KIAA1328: variants seen among roughly 807,000 people sequenced by gnomAD.
KIAA1328 encodes KIAA1328.
KIAA1328 carries 52 observed loss-of-function variants against 68.1 expected under a neutral mutation model. The observed-to-expected ratio is 0.76, with a 90% CI of 0.61 to 0.96. The LOEUF is 0.96. Among genes scored for constraint, KIAA1328 ranks in the 40% least tolerant of loss-of-function variants. The pLI is 0.00. For synonymous variants in KIAA1328, 232 were observed against 239.4 expected (o/e 0.97, Z 0.28); for missense variants, 641 against 677.6 (o/e 0.95, Z 0.60).
At chr18:37,084,378 T>C in intron 7 of KIAA1328, 1 of 387,490 alleles carries the variant, frequency 2.6e-6, no homozygotes, top group Non-Finnish European at 4.5e-6. Flanking sequence ...TTTTGAAAAA[T>C]ATAGAAAAAT....
intron 6 of KIAA1328, among the ~76,000 whole-genome samples, chr18:37,046,094 C>T (rs537161301): frequency 6.6e-6 from 1 of 152,256 alleles, no homozygotes; most frequent in East Asian, 1.9e-4. Flanking sequence ...TGACTGTATT[C>T]TAGATAATTT....
In KIAA1328 at chr18:37,222,185, G is replaced by C. The variant is rs980407440; in HGVS notation, c.1692G>C (p.Glu564Asp). Residue 564 changes from glutamate to aspartate, a missense_variant, in exon 10 of 10, where the codon GAG (glutamate) becomes GAC (aspartate). Coordinates refer to ENST00000280020, the MANE Select transcript of KIAA1328 (RefSeq NM_020776.3). ...KKMGMHRTPE[E>D]LEENQILEDI... ...TGGGGATGCACAGAACCCCTGAAGA[G>C]TTGGAGGAGAATCAGATTCTGGAAG... 6.3e-7 allele frequency: 1 copy of C among 1,596,878 alleles called. No individual in the cohort carries two copies. Among genetic ancestry groups the C allele is most frequent in the African/African-American group, 1.3e-5 (1 of 74,618 alleles).
At chr18:37,215,526 G>A (rs990942701) in intron 9 of KIAA1328, among the ~76,000 whole-genome samples, 1 of 152,188 alleles carries the variant, frequency 6.6e-6, no homozygotes, top group African/African-American at 2.4e-5. Context: ...TAAGCTTTTT[G>A]ATGCGCTGCT....
intron 7 of KIAA1328, among the ~76,000 whole-genome samples, chr18:37,071,781 C>T (rs1460453399): frequency 2.0e-5 from 3 of 152,142 alleles, no homozygotes; most frequent in Non-Finnish European, 4.4e-5. Flanking sequence ...GTTAAACACA[C>T]ATAACTTATC....
intron 6 of KIAA1328, among the ~76,000 whole-genome samples, chr18:37,052,286 C>G (rs1568340136): frequency 6.6e-6 from 1 of 152,050 alleles, no homozygotes; most frequent in Non-Finnish European, 1.5e-5. Context: ...TCAATAAAAT[C>G]CAACATCTCT....
intron 7 of KIAA1328, among the ~76,000 whole-genome samples, chr18:37,091,963 A>C (rs1477004561): frequency 6.6e-6 from 1 of 152,074 alleles, no homozygotes; most frequent in Non-Finnish European, 1.5e-5. Flanking sequence ...ACAGAACAGC[A>C]CATGCCTTCA....
intron 7 of KIAA1328, among the ~76,000 whole-genome samples, chr18:37,097,040 T>A (rs1324783412): frequency 6.6e-6 from 1 of 152,194 alleles, no homozygotes; most frequent in Admixed American, 6.5e-5. Context: ...TTCACTCTGA[T>A]GGTAGTTTCT....
At chr18:37,221,942 C>G in intron 9 of KIAA1328, 75 bp from the exon 10 acceptor site, 1 of 1,431,408 alleles carries the variant, frequency 7.0e-7, no homozygotes, top group Middle Eastern at 1.9e-4. Context: ...CTGGACAGCC[C>G]ATTTCTGCTG....
intron 7 of KIAA1328, among the ~76,000 whole-genome samples, chr18:37,072,381 T>C (rs1000680251): frequency 3.3e-5 from 5 of 151,742 alleles, no homozygotes; most frequent in African/African-American, 1.2e-4. Context: ...TGCACTATTT[T>C]TCTCTATACA....
At chr18:37,002,328 C>T (rs1161095651) in intron 6 of KIAA1328, among the ~76,000 whole-genome samples, 1 of 149,020 alleles carries the variant, frequency 6.7e-6, no homozygotes, top group East Asian at 2.0e-4. Flanking sequence ...CCCACCTCAG[C>T]CTCCTGAAGA....
chr18:37,227,095 C>T (rs894516009), downstream of KIAA1328, among the ~76,000 whole-genome samples: 3 of 152,138 alleles, frequency 2.0e-5, no homozygotes, highest in African/African-American at 7.2e-5. Flanking sequence ...ATGGACACTC[C>T]CTTAAACCAA....
At chr18:37,056,194 G>T (rs1015524346) in intron 6 of KIAA1328, among the ~76,000 whole-genome samples, 1 of 152,024 alleles carries the variant, frequency 6.6e-6, no homozygotes, top group African/African-American at 2.4e-5. Context: ...GTGATTTTTG[G>T]TATGTGTTCA....
intron 6 of KIAA1328, among the ~76,000 whole-genome samples, chr18:37,002,234 T>C (rs1334172934): frequency 8.3e-5 from 12 of 144,954 alleles, no homozygotes; most frequent in African/African-American, 1.3e-4. Context: ...TTTTCTTTTT[T>C]TTTTTTTTTT....
intron 4 of KIAA1328, among the ~76,000 whole-genome samples, chr18:36,855,289 C>G (rs2047346553): frequency 1.3e-5 from 2 of 152,268 alleles, no homozygotes; most frequent in South Asian, 4.1e-4. Context: ...TACAAGGATT[C>G]TGGTCTCTTC....
chr18:37,039,318 A>G (rs1205451975), intron 6 of KIAA1328, among the ~76,000 whole-genome samples: 1 of 152,144 alleles, frequency 6.6e-6, no homozygotes, highest in Non-Finnish European at 1.5e-5. Context: ...ATTAACTAGT[A>G]AAGACATCTA....
intron 6 of KIAA1328, among the ~76,000 whole-genome samples, chr18:36,984,967 G>A (rs184415572): frequency 1.3e-5 from 2 of 150,090 alleles, no homozygotes; most frequent in East Asian, 3.9e-4. Flanking sequence ...AAGGACATAC[G>A]ATACTGTTAA....
intron 6 of KIAA1328, among the ~76,000 whole-genome samples, chr18:37,009,843 C>T (rs1273265145): frequency 2.6e-5 from 4 of 152,108 alleles, no homozygotes; most frequent in African/African-American, 4.8e-5. Context: ...CCAGAGACTT[C>T]ATTACAAGGA....
At chr18:36,938,403 T>C (rs537092191) in intron 5 of KIAA1328, among the ~76,000 whole-genome samples, 4 of 152,312 alleles carry the variant, frequency 2.6e-5, no homozygotes, top group Admixed American at 1.3e-4. Context: ...AGGTCTTCTT[T>C]TGAGAAAAGT....
At chr18:36,910,871 T>C (rs2049417348) in intron 5 of KIAA1328, among the ~76,000 whole-genome samples, 1 of 152,104 alleles carries the variant, frequency 6.6e-6, no homozygotes, top group South Asian at 2.1e-4. Flanking sequence ...CTGCTTGCCC[T>C]CTTGCTTTTC....
Sources: gnomAD v4.1 joint callset for allele counts (sites outside exome capture counted in the v4.1 genomes callset) on GRCh38, gnomAD v4.1.1 for gene constraint, MANE v1.5 for transcripts, NCBI Gene and HGNC (gene_info 2026-07-23, HGNC 2026-07-21) for gene names.